Variants in IFT81 observed in about 807,000 individuals in gnomAD.
IFT81 encodes intraflagellar transport protein 81 homolog.
In IFT81, 72 loss-of-function variants were observed where a neutral mutation model predicts 102.6. The observed-to-expected ratio is 0.70, with a 90% CI of 0.58 to 0.85. The LOEUF (loss-of-function observed/expected upper bound fraction) is 0.85, where lower values mean the gene tolerates loss of function less well. Ranked by LOEUF, IFT81 falls within the 40% of genes least tolerant of loss-of-function variation. The pLI is 0.00. For synonymous variants in IFT81, 237 were observed against 242.7 expected (o/e 0.98, Z 0.22); for missense variants, 723 against 787.3 (o/e 0.92, Z 0.98).
intron 11 of IFT81, among the ~76,000 whole-genome samples, chr12:110,178,129 G>A (rs1204204447): frequency 2.8e-5 from 4 of 143,676 alleles, no homozygotes; most frequent in African/African-American, 7.7e-5. Flanking sequence ...AAATATCAAT[G>A]TGGGCTGGGC....
intron 7 of IFT81, 49 bp from the exon 8 acceptor site, chr12:110,136,727 G>A (rs1301851767): frequency 1.9e-6 from 2 of 1,073,308 alleles, no homozygotes; most frequent in Admixed American, 2.1e-5. Flanking sequence ...TAAGTGAGAG[G>A]TAAGCTTCAG....
intron 11 of IFT81, among the ~76,000 whole-genome samples, chr12:110,166,176 G>A (rs1031772512): frequency 1.3e-5 from 2 of 152,198 alleles, no homozygotes; most frequent in Non-Finnish European, 2.9e-5. Flanking sequence ...TAAATGCTGT[G>A]TGTTAGTTCT....
At chr12:110,172,417 C>G (rs987625674) in intron 11 of IFT81, among the ~76,000 whole-genome samples, 1 of 152,090 alleles carries the variant, frequency 6.6e-6, no homozygotes, top group African/African-American at 2.4e-5. Flanking sequence ...TCTCTTTCCA[C>G]GGTCTCCCTC....
intron 18 of IFT81, among the ~76,000 whole-genome samples, chr12:110,210,170 ATAAT>A (rs1299055546): frequency 6.6e-6 from 1 of 152,200 alleles, no homozygotes; most frequent in Non-Finnish European, 1.5e-5. Flanking sequence ...ATACTTACTA[ATAAT>A]TCAGAGGAAA....
At chr12:110,180,701 G>T (rs1897286127) in intron 12 of IFT81, 130 bp downstream of exon 12, 2 of 583,990 alleles carry the variant, frequency 3.4e-6, no homozygotes, top group African/African-American at 1.8e-5. Context: ...ATTAATTACA[G>T]ACATGACATA....
In IFT81 at chr12:110,211,712, G is replaced by T. The variant is rs923198252; in HGVS notation, c.1848+2496G>T. ...TGTAGAGATGGGGTTTCGCCATGTT[G>T]CCCAGGCTGGTCTCAAACTCCTGAG... On this transcript the variant is annotated intron_variant, in intron 18 of 18. Transcript: ENST00000242591. 9.9e-5 allele frequency among the ~76,000 whole-genome samples: 15 copies of T among 151,812 alleles called. No individual in the cohort carries two copies. In the South Asian group the frequency reaches 1.2e-3, roughly 13 times the overall value.
intron 11 of IFT81, chr12:110,167,849 T>C: frequency 4.8e-6 from 1 of 209,628 alleles, no homozygotes. Flanking sequence ...TTAGGTTTCT[T>C]TTTTTTTTTT....
intron 11 of IFT81, among the ~76,000 whole-genome samples, chr12:110,165,164 A>G (rs890846993): frequency 6.6e-6 from 1 of 152,180 alleles, no homozygotes; most frequent in Non-Finnish European, 1.5e-5. Flanking sequence ...TTTTTGAACA[A>G]TGTCTGGTCG....
Position 110,150,220 on chromosome 12 carries a change from C to T in IFT81, c.1041+3172C>T, listed in dbSNP as rs572896690. 2.1e-3 allele frequency among the ~76,000 whole-genome samples: 319 copies of T among 152,166 alleles called. 2 individuals are homozygous for T. The highest frequency in any genetic ancestry group is 3.4e-3 in the Middle Eastern group (1 of 294). ...CTCCTGGGTTCAAGCGATTCTCCTG[C>T]CTCAGCTTCCCAAGTAGCTGGGATT... On this transcript the variant is annotated intron_variant, in intron 10 of 18. Transcript: ENST00000242591.
intron 14 of IFT81, among the ~76,000 whole-genome samples, chr12:110,198,818 T>G (rs1015616986): frequency 1.3e-5 from 2 of 151,646 alleles, no homozygotes; most frequent in Non-Finnish European, 2.9e-5. Context: ...CTTTCTTTTT[T>G]TTTTTTTCTT....
chr12:110,164,606 C>T (rs1455663707), intron 11 of IFT81, among the ~76,000 whole-genome samples: 4 of 152,152 alleles, frequency 2.6e-5, no homozygotes, highest in African/African-American at 9.7e-5. Flanking sequence ...AAATGAATTG[C>T]TCCCATAGTA....
At chr12:110,135,472 G>A (rs757970257) in intron 7 of IFT81, 35 bp downstream of exon 7, 1 of 1,218,426 alleles carries the variant, frequency 8.2e-7, no homozygotes, top group Admixed American at 1.9e-5. Flanking sequence ...TCAGTATGAA[G>A]GAAATAGTTC....
At chr12:110,150,117 T>TC (rs1013011254) in intron 10 of IFT81, among the ~76,000 whole-genome samples, 9 of 152,132 alleles carry the variant, frequency 5.9e-5, no homozygotes, top group Admixed American at 2.6e-4. Context: ...TCTTTTCTTT[T>TC]TTTTTTTGAG....
chr12:110,144,007 C>CTTT (rs536525073), intron 9 of IFT81, among the ~76,000 whole-genome samples: 8,145 of 122,990 alleles, frequency 0.066, 381 homozygotes, highest in African/African-American at 0.077. Context: ...CAGGTTATAC[C>CTTT]TTTTTTTTTT....
At chr12:110,158,175 A>G (rs1323224211) in intron 10 of IFT81, among the ~76,000 whole-genome samples, 3 of 151,974 alleles carry the variant, frequency 2.0e-5, no homozygotes, top group East Asian at 1.9e-4. Context: ...GGTTCATGCA[A>G]TTCTCCTGCC....
chr12:110,132,496 A>G (rs1241886130), intron 4 of IFT81, 51 bp from the exon 5 acceptor site: 1 of 802,926 alleles, frequency 1.2e-6, no homozygotes, highest in Non-Finnish European at 2.0e-6. Context: ...AAGAAAGAAA[A>G]CTCTACTGGA....
intron 8 of IFT81, among the ~76,000 whole-genome samples, chr12:110,139,814 A>AAAAT (rs1276540822): frequency 2.1e-5 from 3 of 139,906 alleles, no homozygotes; most frequent in South Asian, 2.2e-4. Context: ...AAAATAAAAT[A>AAAAT]AAATAAATAA....
At chr12:110,162,775 A>C in intron 10 of IFT81, 144 bp from the exon 11 acceptor site, 1 of 617,856 alleles carries the variant, frequency 1.6e-6, no homozygotes, top group Non-Finnish European at 2.8e-6. Flanking sequence ...GATGATGAGT[A>C]GTAGGGCAAG....
chr12:110,138,275 C>A (rs1894631760), intron 8 of IFT81, among the ~76,000 whole-genome samples: 1 of 152,058 alleles, frequency 6.6e-6, no homozygotes, highest in Non-Finnish European at 1.5e-5. Flanking sequence ...TTAATTGATC[C>A]AGGTATTTAG....
Sources: gnomAD v4.1 joint callset for allele counts (sites outside exome capture counted in the v4.1 genomes callset) on GRCh38, gnomAD v4.1.1 for gene constraint, MANE v1.5 for transcripts, NCBI Gene and HGNC (gene_info 2026-07-23, HGNC 2026-07-21) for gene names.